Variants in CCDC149 observed in about 807,000 individuals in gnomAD.
CCDC149 encodes the protein coiled-coil domain-containing protein 149.
In CCDC149, 45 loss-of-function variants were observed where a neutral mutation model predicts 59.9. The ratio of observed to expected loss-of-function variants is 0.75; its 90% CI spans 0.59 to 0.96. CCDC149 has a LOEUF of 0.96. CCDC149 is among the 40% of genes least tolerant of loss of function. CCDC149 has a pLI of 0.00. For missense variants in CCDC149, 584 were observed against 664.7 expected (o/e 0.88, Z 1.33); for synonymous variants, 245 against 260.6 (o/e 0.94, Z 0.58).
At chr4:24,943,129 G>A (rs1364231283) in intron 1 of CCDC149, among the ~76,000 whole-genome samples, 1 of 152,068 alleles carries the variant, frequency 6.6e-6, no homozygotes, top group South Asian at 2.1e-4. Flanking sequence ...GAGGCATCAC[G>A]ATACCTGACT....
chr4:24,831,287 T>C, intron 9 of CCDC149: 1 of 541,288 alleles, frequency 1.8e-6, no homozygotes, highest in South Asian at 2.1e-5. Context: ...GAGTAAGCAT[T>C]CAGTATGGCT....
At chr4:24,926,722 G>C (rs539347548) in intron 1 of CCDC149, among the ~76,000 whole-genome samples, 3 of 152,310 alleles carry the variant, frequency 2.0e-5, no homozygotes, top group South Asian at 2.1e-4. Flanking sequence ...GGGAAAGCTT[G>C]TCTCTGCCCT....
intron 1 of CCDC149, among the ~76,000 whole-genome samples, chr4:24,887,712 C>G (rs1250909333): frequency 6.6e-6 from 1 of 152,058 alleles, no homozygotes; most frequent in African/African-American, 2.4e-5. Flanking sequence ...TGATCTCTGG[C>G]AGGGACCATC....
intron 5 of CCDC149, 80 bp downstream of exon 5, chr4:24,838,076 A>G (rs1262467010): frequency 1.8e-6 from 2 of 1,112,110 alleles, no homozygotes; most frequent in Non-Finnish European, 2.8e-6. Flanking sequence ...CTGAGAAACG[A>G]GGGGCACAGT....
intron 1 of CCDC149, among the ~76,000 whole-genome samples, chr4:24,940,737 G>T (rs971074192): frequency 2.0e-5 from 3 of 152,154 alleles, no homozygotes; most frequent in African/African-American, 2.4e-5. Flanking sequence ...AAAGGCAGGG[G>T]TTGTAATTCT....
intron 8 of CCDC149, 114 bp downstream of exon 8, chr4:24,834,834 C>T: frequency 1.5e-6 from 1 of 673,622 alleles, no homozygotes; most frequent in Non-Finnish European, 2.5e-6. Flanking sequence ...AGCCACTGTT[C>T]TATGGATCGC....
At chr4:24,874,260 G>GTTTTTTTTTTTTTTTTTT (rs1233579287) in intron 2 of CCDC149, among the ~76,000 whole-genome samples, 2 of 33,852 alleles carry the variant, frequency 5.9e-5, no homozygotes, top group African/African-American at 1.8e-4. Context: ...TTTTTTTTTT[G>GTTTTTTTTTTTTTTTTTT]TTTTGTTTTT....
chr4:24,814,072 T>C (rs1453432850), intron 12 of CCDC149, among the ~76,000 whole-genome samples: 1 of 152,238 alleles, frequency 6.6e-6, no homozygotes, highest in Non-Finnish European at 1.5e-5. Context: ...TTTAGCCTTT[T>C]TGATGACCAT....
intron 12 of CCDC149, among the ~76,000 whole-genome samples, chr4:24,810,011 T>C (rs1044410321): frequency 6.6e-6 from 1 of 152,178 alleles, no homozygotes; most frequent in African/African-American, 2.4e-5. Flanking sequence ...GTCCTGCTGA[T>C]GTGCTCCTGT....
chr4:24,915,879 C>T (rs1216758604), upstream of CCDC149, among the ~76,000 whole-genome samples: 1 of 152,188 alleles, frequency 6.6e-6, no homozygotes, highest in African/African-American at 2.4e-5. Context: ...GCAGTTTAAG[C>T]TTTTAGGCAC....
chr4:24,813,528 A>ATATATATATATG (rs1560197749), intron 12 of CCDC149, among the ~76,000 whole-genome samples: 1 of 129,852 alleles, frequency 7.7e-6, no homozygotes, highest in Non-Finnish European at 1.7e-5. Flanking sequence ...ATATATATAT[A>ATATATATATATG]AAACCTAAAA....
intron 1 of CCDC149, among the ~76,000 whole-genome samples, chr4:24,897,405 A>T (rs969425283): frequency 2.0e-5 from 3 of 152,290 alleles, no homozygotes; most frequent in Admixed American, 6.5e-5. Flanking sequence ...TTGGGCCAAC[A>T]TGAGAGCTGA....
At chr4:24,979,789 C>T (rs1724392237) in intron 1 of CCDC149, among the ~76,000 whole-genome samples, 1 of 152,104 alleles carries the variant, frequency 6.6e-6, no homozygotes, top group Non-Finnish European at 1.5e-5. Flanking sequence ...AGGAACCTGC[C>T]TAGGGAACTT....
chr4:24,959,418 A>G (rs1207670860), intron 1 of CCDC149, among the ~76,000 whole-genome samples: 3 of 152,148 alleles, frequency 2.0e-5, no homozygotes, highest in Non-Finnish European at 4.4e-5. Context: ...TTTCCCTGTT[A>G]CTTGGCGTGT....
At chr4:24,884,173 C>T (rs1175785768) in intron 1 of CCDC149, among the ~76,000 whole-genome samples, 1 of 152,218 alleles carries the variant, frequency 6.6e-6, no homozygotes, top group Non-Finnish European at 1.5e-5. Flanking sequence ...GTGTCAACAA[C>T]AAACGGCATG....
intron 1 of CCDC149, among the ~76,000 whole-genome samples, chr4:24,932,489 A>T (rs2109342943): frequency 6.6e-6 from 1 of 152,264 alleles, no homozygotes; most frequent in African/African-American, 2.4e-5. Flanking sequence ...AAGCCACTTT[A>T]TTTATATTGT....
At chr4:24,901,873 G>A (rs949538698) in intron 1 of CCDC149, among the ~76,000 whole-genome samples, 2 of 152,148 alleles carry the variant, frequency 1.3e-5, no homozygotes, top group African/African-American at 4.8e-5. Context: ...TGCTGTAGGG[G>A]TCTTCCTTTA....
At chr4:24,926,252 G>C (rs1226706071) in intron 1 of CCDC149, among the ~76,000 whole-genome samples, 1 of 152,142 alleles carries the variant, frequency 6.6e-6, no homozygotes, top group Non-Finnish European at 1.5e-5. Context: ...CTCCCATTTT[G>C]TTATAGGGAA....
intron 1 of CCDC149, among the ~76,000 whole-genome samples, chr4:24,894,592 T>C (rs1467640301): frequency 6.6e-6 from 1 of 152,074 alleles, no homozygotes; most frequent in Admixed American, 6.5e-5. Flanking sequence ...GCTTAAATTG[T>C]CCAGTGAGTT....
Sources: gnomAD v4.1 joint callset for allele counts (sites outside exome capture counted in the v4.1 genomes callset) on GRCh38, gnomAD v4.1.1 for gene constraint, MANE v1.5 for transcripts, NCBI Gene and HGNC (gene_info 2026-07-23, HGNC 2026-07-21) for gene names.